The following WWOX variants were observed in gnomAD, a reference collection of about 807,000 sequenced individuals.
WWOX encodes the protein WW domain containing oxidoreductase, also known as WW domain-containing oxidoreductase.
Under a neutral mutation model 46.2 loss-of-function variants are expected in WWOX, and 69 were observed. The observed-to-expected ratio is 1.49, with a 90% confidence interval of 1.23 to 1.82. The LOEUF is 1.82. Ranked by LOEUF, WWOX falls within the 40% of genes most tolerant of loss-of-function variation. WWOX has a pLI of 0.00. For missense variants in WWOX, 919 were observed against 542.6 expected, an observed-to-expected ratio of 1.69 and a Z score of -6.89; for synonymous variants, 359 against 202.6, an observed-to-expected ratio of 1.77 and a Z score of -6.56.
In WWOX at chr16:78,388,405, G is replaced by A. The variant is rs1597146951; in HGVS notation, c.605+1457G>A. Among the ~76,000 whole-genome samples the A allele has an allele frequency of 5.3e-5, 8 of 152,236 alleles. No homozygotes were observed. The South Asian group carries it at 1.7e-3, about 32-fold the overall frequency. ...CTTATGCCTGTAATCCCAGCAGTTT[G>A]GGAGGCCAAGGCGGGGAGGGTCATG... is the stretch of plus-strand genomic sequence containing the variant. On this transcript the variant is annotated intron_variant, in intron 6 of 8. Transcript: ENST00000566780.
At chr16:78,874,807 A>G (rs956035575) in intron 8 of WWOX, among the ~76,000 whole-genome samples, 1 of 147,428 alleles carries the variant, frequency 6.8e-6, no homozygotes, top group African/African-American at 2.5e-5. Flanking sequence ...ACATAGGAGT[A>G]TATTTGGCCA....
intron 5 of WWOX, among the ~76,000 whole-genome samples, chr16:78,329,709 C>T (rs185107999): frequency 6.6e-6 from 1 of 151,394 alleles, no homozygotes; most frequent in Admixed American, 6.6e-5. Flanking sequence ...ATGGGGAGGT[C>T]TGTTTTATGT....
intron 8 of WWOX, among the ~76,000 whole-genome samples, chr16:78,499,538 C>G (rs1172807935): frequency 6.6e-6 from 1 of 152,208 alleles, no homozygotes; most frequent in African/African-American, 2.4e-5. Flanking sequence ...TCAGCTGTCT[C>G]CTTGAGTCCA....
At chr16:78,533,875 C>T (rs1390085803) in intron 8 of WWOX, among the ~76,000 whole-genome samples, 1 of 152,112 alleles carries the variant, frequency 6.6e-6, no homozygotes, top group Non-Finnish European at 1.5e-5. Context: ...TCTCTGTGAG[C>T]CCTTTGAGGA....
chr16:78,572,414 C>G (rs12051461), intron 8 of WWOX, among the ~76,000 whole-genome samples: 1 of 151,902 alleles, frequency 6.6e-6, no homozygotes, highest in Non-Finnish European at 1.5e-5. Flanking sequence ...GGGCAACATA[C>G]TGAGACCCCA....
intron 8 of WWOX, among the ~76,000 whole-genome samples, chr16:79,153,785 G>C (rs1174958163): frequency 6.6e-6 from 1 of 152,068 alleles, no homozygotes; most frequent in Admixed American, 6.6e-5. Flanking sequence ...TTGTTTAGCT[G>C]TTTATGGGTA....
chr16:79,049,982 C>T (rs925057411), intron 8 of WWOX, among the ~76,000 whole-genome samples: 3 of 151,962 alleles, frequency 2.0e-5, no homozygotes, highest in Admixed American at 6.6e-5. Context: ...CATGCTTGTA[C>T]CTGAGGGAAG....
At chr16:78,452,512 T>C (rs973004099) in intron 8 of WWOX, among the ~76,000 whole-genome samples, 3 of 148,408 alleles carry the variant, frequency 2.0e-5, no homozygotes, top group Admixed American at 6.8e-5. Flanking sequence ...AGTCTTATTC[T>C]GTTGCCCAGG....
At chr16:78,312,924 C>G (rs561626394) in intron 5 of WWOX, among the ~76,000 whole-genome samples, 51 of 152,318 alleles carry the variant, frequency 3.3e-4, no homozygotes, top group African/African-American at 1.2e-3. Context: ...GTGTGCCATT[C>G]TCTCCCCTTA....
At position 79,113,052 on chromosome 16, in the gene WWOX, C is replaced by T. The variant is rs143016938; in HGVS notation, c.1057-98556C>T. 2.3e-4 allele frequency among the ~76,000 whole-genome samples: 35 copies of T among 152,258 alleles called. No individual in the cohort carries two copies. In the East Asian group the frequency reaches 4.8e-3, roughly 21 times the overall value. On this transcript the variant is annotated intron_variant, in intron 8 of 8. Transcript: ENST00000566780. Reference sequence around the variant, plus strand: ...CCAGGTGCTGAAGAACAATGGTGAACGGCACAGTCATGGTACCAGAACTCG... The same window carrying T: ...CCAGGTGCTGAAGAACAATGGTGAATGGCACAGTCATGGTACCAGAACTCG...
chr16:78,141,895 G>A (rs1326304314), intron 4 of WWOX, among the ~76,000 whole-genome samples: 2 of 151,902 alleles, frequency 1.3e-5, no homozygotes, highest in Non-Finnish European at 2.9e-5. Context: ...GCCTGTCATA[G>A]TTGAATCTAA....
intron 8 of WWOX, among the ~76,000 whole-genome samples, chr16:78,832,166 C>G (rs931669291): frequency 6.6e-6 from 1 of 152,158 alleles, no homozygotes; most frequent in Non-Finnish European, 1.5e-5. Flanking sequence ...GGGCTGCAGT[C>G]TCAGAATCCT....
intron 8 of WWOX, among the ~76,000 whole-genome samples, chr16:78,806,864 G>A (rs2051053479): frequency 6.6e-6 from 1 of 152,156 alleles, no homozygotes; most frequent in African/African-American, 2.4e-5. Context: ...TGCCACATAA[G>A]CAAACAGTTC....
intron 8 of WWOX, among the ~76,000 whole-genome samples, chr16:78,829,308 C>T (rs564305406): frequency 6.6e-6 from 1 of 152,332 alleles, no homozygotes; most frequent in South Asian, 2.1e-4. Flanking sequence ...AGGCAGAAGA[C>T]AAGCATCCCA....
chr16:78,662,374 G>GT (rs895544034), intron 8 of WWOX, among the ~76,000 whole-genome samples: 4 of 152,092 alleles, frequency 2.6e-5, no homozygotes, highest in African/African-American at 7.2e-5. Context: ...GAGACATCTA[G>GT]TTTTTTTCTC....
chr16:78,594,430 C>CCT (rs1491536530), intron 8 of WWOX, among the ~76,000 whole-genome samples: 5 of 9,368 alleles, frequency 5.3e-4, no homozygotes, highest in Middle Eastern at 0.031. Flanking sequence ...TGAGGAAAGG[C>CCT]CCCCCCCCCC....
intron 8 of WWOX, among the ~76,000 whole-genome samples, chr16:78,921,017 A>G (rs1275400988): frequency 6.6e-6 from 1 of 152,196 alleles, no homozygotes; most frequent in Non-Finnish European, 1.5e-5. Flanking sequence ...TTTGCTTGAT[A>G]TTAAGCTTTG....
intron 8 of WWOX, among the ~76,000 whole-genome samples, chr16:79,031,557 A>G (rs1441464827): frequency 6.6e-6 from 1 of 152,088 alleles, no homozygotes; most frequent in Non-Finnish European, 1.5e-5. Flanking sequence ...GTGGATGTGT[A>G]TGCTAAACTT....
intron 8 of WWOX, among the ~76,000 whole-genome samples, chr16:78,463,223 A>G (rs1297028464): frequency 6.6e-6 from 1 of 152,230 alleles, no homozygotes; most frequent in Non-Finnish European, 1.5e-5. Flanking sequence ...CATTTTTCTT[A>G]ACGCAGGGCT....
Sources: gnomAD v4.1 joint callset for allele counts (sites outside exome capture counted in the v4.1 genomes callset) on GRCh38, gnomAD v4.1.1 for gene constraint, MANE v1.5 for transcripts, NCBI Gene and HGNC (gene_info 2026-07-23, HGNC 2026-07-21) for gene names.